The following ZNF343 variants were observed in gnomAD, a reference collection of about 807,000 sequenced individuals.
The protein encoded by ZNF343 is zinc finger protein 343.
ZNF343 carries 11 observed loss-of-function variants against 13.8 expected under a neutral mutation model. The ratio of observed to expected loss-of-function variants is 0.80; its 90% CI spans 0.50 to 1.32. ZNF343 has a LOEUF of 1.32. Among genes scored for constraint, ZNF343 ranks in the 40% most tolerant of loss-of-function variants. The probability of loss-of-function intolerance (pLI) is 0.00; values close to 1 mark genes in which losing one functional copy is unlikely to be tolerated. For missense variants in ZNF343, 658 were observed against 714.2 expected, an observed-to-expected ratio of 0.92 and a Z score of 0.90; for synonymous variants, 248 against 260.0, an observed-to-expected ratio of 0.95 and a Z score of 0.44.
chr20:2,490,078 GAA>G (rs2085342632), intron 5 of ZNF343, among the ~76,000 whole-genome samples: 2 of 152,094 alleles, frequency 1.3e-5, no homozygotes, highest in South Asian at 4.1e-4. Flanking sequence ...AAAGAGGAAA[GAA>G]AGAGAGAGAC....
chr20:2,521,944 T>A (rs1365890873), intron 1 of ZNF343, among the ~76,000 whole-genome samples: 1 of 152,218 alleles, frequency 6.6e-6, no homozygotes, highest in Non-Finnish European at 1.5e-5. Context: ...GTTTCTCAGC[T>A]TCTTTGCACA....
intron 1 of ZNF343, among the ~76,000 whole-genome samples, chr20:2,523,179 C>T (rs560686670): frequency 6.6e-6 from 1 of 152,334 alleles, no homozygotes; most frequent in Non-Finnish European, 1.5e-5. Context: ...CCACCAGCAC[C>T]ATGACAGTTT....
chr20:2,483,109 G>C lies in ZNF343; in HGVS notation c.*52C>G. 6.5e-7 allele frequency: 1 copy of C among 1,549,126 alleles called. No individual in the cohort carries two copies. The highest frequency in any genetic ancestry group is 8.7e-7 in the Non-Finnish European group (1 of 1,146,142). On this transcript the variant is annotated 3_prime_UTR_variant, in exon 6 of 6. Coordinates refer to ENST00000278772, the MANE Select transcript of ZNF343 (RefSeq NM_024325.6). ...GTCTCTCTGGGGTAACATGAGGCTT[G>C]ACTGGTCACTCAGGTCTTGTTCATG... is the stretch of plus-strand genomic sequence containing the variant.
intron 2 of ZNF343, among the ~76,000 whole-genome samples, chr20:2,496,893 C>A (rs1226875825): frequency 6.6e-6 from 1 of 152,076 alleles, no homozygotes; most frequent in African/African-American, 2.4e-5. Flanking sequence ...CCAGCCTGAC[C>A]AACATGGAGA....
chr20:2,506,328 C>T (rs1161306340), intron 1 of ZNF343, among the ~76,000 whole-genome samples: 5 of 148,602 alleles, frequency 3.4e-5, no homozygotes, highest in Non-Finnish European at 6.0e-5. Context: ...GAAATAGGAA[C>T]ACTTTTACAC....
intron 4 of ZNF343, 92 bp downstream of exon 4, chr20:2,493,426 GC>G: frequency 8.1e-7 from 1 of 1,234,286 alleles, no homozygotes; most frequent in Admixed American, 1.8e-5. Context: ...GATGTTGACC[GC>G]CTTTTCCTTT....
Position 2,484,380 on chromosome 20 carries a change from G to A in ZNF343, c.581C>T (p.Pro194Leu). Reference sequence around the variant, plus strand: ...TGCTGACTGTCTTTGGAGTGGGCTGGGGAATGCCCTTGAGGTTTCTCTCTC... The same window carrying A: ...TGCTGACTGTCTTTGGAGTGGGCTGAGGAATGCCCTTGAGGTTTCTCTCTC... ...TEERETSRAF[P>L]SPLQRQSASP... Residue 194 changes from proline to leucine, a missense_variant, in exon 6 of 6, where the codon CCC (proline) becomes CTC (leucine). Pro to Leu is a moderately conservative substitution (Grantham distance 98, BLOSUM62 -3). Transcript: ENST00000278772. 4.3e-6 allele frequency: 7 copies of A among 1,614,178 alleles called. No individual in the cohort carries two copies. Among genetic ancestry groups the A allele is most frequent in the African/African-American group, 1.3e-5 (1 of 75,046 alleles).
In ZNF343 at chr20:2,508,332, C is replaced by A. The variant is rs2085700908; in HGVS notation, c.-237+549G>T. On this transcript the variant is annotated intron_variant, in intron 1 of 5. Coordinates refer to ENST00000278772, the MANE Select transcript of ZNF343 (RefSeq NM_024325.6). This position sits in a 1 kb window ranked among gnomAD's most constrained non-coding sequence, Gnocchi z 4.5. ...GTCCATCAAGCATCAAGGCCTGAGA[C>A]GGCCTCCCCCTAACCACCCCGGTCA... Among the ~76,000 whole-genome samples the A allele has an allele frequency of 6.6e-6, 1 of 151,890 alleles. No individual in the cohort carries two copies. The highest frequency in any genetic ancestry group is 2.1e-4 in the South Asian group (1 of 4,804).
At chr20:2,499,464 CAAAAAAAAAAAAA>C (rs35155995) in intron 2 of ZNF343, among the ~76,000 whole-genome samples, 3 of 66,554 alleles carry the variant, frequency 4.5e-5, no homozygotes, top group Non-Finnish European at 8.0e-5. Context: ...GACTCCGTCT[CAAAAAAAAAAAAA>C]AAAAAAAAAA....
chr20:2,492,625 T>A (rs1022540376), intron 5 of ZNF343, 74 bp downstream of exon 5: 1 of 1,556,038 alleles, frequency 6.4e-7, no homozygotes, highest in African/African-American at 1.4e-5. Context: ...CTAGAACATT[T>A]TTTTGTGGTA....
chr20:2,493,978 G>T lies in ZNF343; in HGVS notation c.-83C>A. ...TTATTTCATCTCAAGATGGAGTTCT[G>T]CTGCCTGTGGTGACTTCTTCCAACC... On this transcript the variant is annotated 5_prime_UTR_variant, in exon 3 of 6. Transcript: ENST00000278772. 1 of 949,692 alleles carries T rather than the reference G, an allele frequency of 1.1e-6. No individual in the cohort carries two copies. The allele number at this position is 949,692 out of a possible 1,614,324, so 58.8% of individuals were successfully genotyped here.
upstream of ZNF343, among the ~76,000 whole-genome samples, chr20:2,513,515 A>G (rs1005548975): frequency 2.0e-5 from 3 of 152,226 alleles, no homozygotes; most frequent in Non-Finnish European, 4.4e-5. Flanking sequence ...GAACCCTTAT[A>G]CTGTACATTG....
At chr20:2,493,699 G>A (rs2085408656) in intron 3 of ZNF343, 79 bp downstream of exon 3, 4 of 1,414,544 alleles carry the variant, frequency 2.8e-6, no homozygotes, top group African/African-American at 2.9e-5. Flanking sequence ...TAACTCAGAG[G>A]TGACCTCTGA....
At chr20:2,499,042 G>C (rs1355621937) in intron 2 of ZNF343, among the ~76,000 whole-genome samples, 1 of 152,008 alleles carries the variant, frequency 6.6e-6, no homozygotes, top group Admixed American at 6.5e-5. Context: ...GTTTTGTCAT[G>C]TTGTCCAGGC....
intron 5 of ZNF343, among the ~76,000 whole-genome samples, chr20:2,488,677 C>T (rs2085319228): frequency 6.6e-6 from 1 of 152,048 alleles, no homozygotes; most frequent in South Asian, 2.1e-4. Flanking sequence ...AAAAGAATTT[C>T]ACTGTTTTAT....
intron 5 of ZNF343, among the ~76,000 whole-genome samples, chr20:2,486,033 G>A (rs1174643646): frequency 6.6e-6 from 1 of 152,214 alleles, no homozygotes. Flanking sequence ...ACTTTGTGAC[G>A]TGAACTTTTT....
At chr20:2,509,735 A>G (rs2085726397), upstream of ZNF343, among the ~76,000 whole-genome samples, 1 of 152,244 alleles carries the variant, frequency 6.6e-6, no homozygotes, top group Non-Finnish European at 1.5e-5. Context: ...ACCTTCTGCA[A>G]CACGGCAATT....
intron 1 of ZNF343, among the ~76,000 whole-genome samples, chr20:2,503,883 C>T (rs2085611362): frequency 6.6e-6 from 1 of 151,920 alleles, no homozygotes; most frequent in Non-Finnish European, 1.5e-5. Flanking sequence ...GACACCCTAA[C>T]ATCACAATTA....
intron 4 of ZNF343, 23 bp from the exon 5 acceptor site, chr20:2,492,848 T>C (rs988935959): frequency 9.9e-6 from 16 of 1,610,614 alleles, no homozygotes; most frequent in South Asian, 3.3e-5. Flanking sequence ...AGTAAATTAA[T>C]GTATAGCAAG....
Sources: allele counts gnomAD v4.1 joint callset (sites outside exome capture counted in the v4.1 genomes callset), GRCh38; gene constraint gnomAD v4.1.1; non-coding constraint Gnocchi (gnomAD v3.1); transcripts MANE v1.5; gene names NCBI Gene and HGNC (gene_info 2026-07-23, HGNC 2026-07-21).